COL11A1: variants seen among roughly 807,000 people sequenced by gnomAD.
COL11A1 encodes the protein collagen alpha-1(XI) chain.
In COL11A1, 74 loss-of-function variants were observed where a neutral mutation model predicts 265.2. That is an observed-to-expected ratio of 0.28 (90% CI 0.23 to 0.34). The LOEUF (loss-of-function observed/expected upper bound fraction) is 0.34. Among genes scored for constraint, COL11A1 ranks in the 10% least tolerant of loss-of-function variants. COL11A1 has a pLI of 1.00. For synonymous variants in COL11A1, 816 were observed against 727.6 expected (o/e 1.12, Z -1.96); for missense variants, 2,165 against 2,263.6 (o/e 0.96, Z 0.88).
intron 65 of COL11A1, among the ~76,000 whole-genome samples, chr1:102,880,820 C>A (rs1329300726): frequency 6.6e-6 from 1 of 151,802 alleles, no homozygotes; most frequent in Non-Finnish European, 1.5e-5. Flanking sequence ...CATGAGTATT[C>A]TTGGGGGTTG....
chr1:102,950,709 A>G (rs1363363905), intron 41 of COL11A1, among the ~76,000 whole-genome samples: 1 of 152,170 alleles, frequency 6.6e-6, no homozygotes, highest in African/African-American at 2.4e-5. Context: ...CTATACTACT[A>G]AAATTCCAGC....
chr1:102,929,489 C>A (rs1223979868), intron 46 of COL11A1, among the ~76,000 whole-genome samples: 3 of 152,056 alleles, frequency 2.0e-5, no homozygotes, highest in Non-Finnish European at 4.4e-5. Flanking sequence ...GTTTTGGTTA[C>A]TGTAGCCTTG....
At chr1:103,004,324 G>T in intron 20 of COL11A1, 120 bp downstream of exon 20, 3 of 731,680 alleles carry the variant, frequency 4.1e-6, no homozygotes, top group South Asian at 1.7e-5. Flanking sequence ...CAATTATCTG[G>T]TTAGCTTAGC....
At chr1:102,959,399 T>C (rs577097838) in intron 41 of COL11A1, among the ~76,000 whole-genome samples, 32 of 124,954 alleles carry the variant, frequency 2.6e-4, no homozygotes, top group African/African-American at 9.5e-4. Context: ...TTTCCTAGTA[T>C]TTTCTCGCTC....
At chr1:103,002,332 G>C in intron 23 of COL11A1, 96 bp downstream of exon 23, 1 of 1,071,320 alleles carries the variant, frequency 9.3e-7, no homozygotes, top group Non-Finnish European at 1.4e-6. Context: ...AATATTGCTA[G>C]GACTACATAG....
intron 31 of COL11A1, among the ~76,000 whole-genome samples, chr1:102,982,209 T>C (rs146477295): frequency 1.4e-4 from 21 of 152,078 alleles, no homozygotes; most frequent in Non-Finnish European, 2.1e-4. Flanking sequence ...GTTGGATACC[T>C]CTAGGAGGAA....
chr1:102,969,916 G>A (rs765560596), intron 37 of COL11A1, among the ~76,000 whole-genome samples: 61 of 151,816 alleles, frequency 4.0e-4, no homozygotes, highest in Non-Finnish European at 7.9e-4. Flanking sequence ...AGAGTGAGAG[G>A]GAAAATCTTG....
intron 31 of COL11A1, among the ~76,000 whole-genome samples, chr1:102,982,420 T>C (rs1480456047): frequency 6.6e-6 from 1 of 152,034 alleles, no homozygotes; most frequent in Admixed American, 6.6e-5. Context: ...AGATCAAGAA[T>C]GCATGAAGTG....
At chr1:102,965,819 A>C (rs1201822367) in intron 37 of COL11A1, among the ~76,000 whole-genome samples, 2 of 152,182 alleles carry the variant, frequency 1.3e-5, no homozygotes, top group East Asian at 3.9e-4. Context: ...CCACTAGGTC[A>C]AACAACATAC....
At chr1:103,066,944 G>A (rs780996141) in intron 4 of COL11A1, among the ~76,000 whole-genome samples, 2 of 151,884 alleles carry the variant, frequency 1.3e-5, no homozygotes, top group Admixed American at 6.6e-5. Flanking sequence ...TGGAGATAGA[G>A]AGCTATTTCA....
intron 20 of COL11A1, 48 bp from the exon 21 acceptor site, chr1:103,003,316 C>A (rs762208841): frequency 1.4e-6 from 2 of 1,467,612 alleles, no homozygotes; most frequent in Admixed American, 1.8e-5. Flanking sequence ...AAAAAATGTC[C>A]TAATAACATG....
intron 41 of COL11A1, among the ~76,000 whole-genome samples, chr1:102,960,615 CTG>C (rs1425201983): frequency 6.6e-6 from 1 of 151,808 alleles, no homozygotes; most frequent in East Asian, 1.9e-4. Context: ...GAAAGAAAAA[CTG>C]GAGTTTCCTG....
intron 57 of COL11A1, among the ~76,000 whole-genome samples, chr1:102,896,581 T>A (rs1277334699): frequency 2.0e-5 from 3 of 152,200 alleles, no homozygotes; most frequent in Non-Finnish European, 4.4e-5. Context: ...GAATGGAATG[T>A]GCCCATGCAG....
rs1657990912 is a variant in COL11A1 at position 102,934,959 on chromosome 1, A to C, written c.3492+101T>G. On this transcript the variant is annotated intron_variant, in intron 45 of 66. Transcript: ENST00000370096. ...TGATTTAATGTCAAACATACAAACA[A>C]AACTTATTACCCCACAAAATTGACT... 7.1e-6 allele frequency: 8 copies of C among 1,120,520 alleles called. No individual in the cohort carries two copies. In the Admixed American group the frequency reaches 1.3e-4, roughly 18 times the overall value. 69.4% of individuals were successfully genotyped at this position (1,120,520 alleles called of 1,614,324 possible). A position where few individuals can be genotyped will look rare whatever the true frequency, so the allele number is the denominator to read the frequency against.
At chr1:102,905,960 A>G (rs1412411690) in intron 54 of COL11A1, among the ~76,000 whole-genome samples, 5 of 152,318 alleles carry the variant, frequency 3.3e-5, no homozygotes, top group East Asian at 1.9e-4. Flanking sequence ...CTAACGAGCT[A>G]TCATTTCATG....
At chr1:102,891,321 G>A (rs900824607) in intron 57 of COL11A1, among the ~76,000 whole-genome samples, 23 of 152,050 alleles carry the variant, frequency 1.5e-4, no homozygotes, top group African/African-American at 5.5e-4. Context: ...CATCAAGATG[G>A]TACTTTCAGC....
At chr1:102,950,007 T>G (rs1003739324) in intron 41 of COL11A1, among the ~76,000 whole-genome samples, 5 of 152,206 alleles carry the variant, frequency 3.3e-5, no homozygotes, top group Non-Finnish European at 7.3e-5. Flanking sequence ...TTAGAATCTC[T>G]GCTCTTGGCT....
At chr1:102,938,894 G>T (rs2101279511) in intron 44 of COL11A1, 141 bp downstream of exon 44, 1 of 693,638 alleles carries the variant, frequency 1.4e-6, no homozygotes, top group South Asian at 1.7e-5. Context: ...ATTATAGAAT[G>T]ATATAACTGC....
At chr1:103,015,934 T>C (rs1345763644) in intron 11 of COL11A1, among the ~76,000 whole-genome samples, 192 bp from the exon 12 acceptor site, 1 of 152,108 alleles carries the variant, frequency 6.6e-6, no homozygotes, top group Non-Finnish European at 1.5e-5. Context: ...ATTTTAATAA[T>C]GTTCGGTTAT....
Sources: gnomAD v4.1 joint callset for allele counts (sites outside exome capture counted in the v4.1 genomes callset) on GRCh38, gnomAD v4.1.1 for gene constraint, MANE v1.5 for transcripts, NCBI Gene and HGNC (gene_info 2026-07-23, HGNC 2026-07-21) for gene names.